The following EYS variants were observed in gnomAD, a reference collection of about 807,000 sequenced individuals.
EYS encodes the protein protein eyes shut homolog.
In EYS, 250 loss-of-function variants were observed where a neutral mutation model predicts 282.1. That is an observed-to-expected ratio of 0.89 (90% confidence interval 0.80 to 0.98). The LOEUF (loss-of-function observed/expected upper bound fraction) is 0.98, where lower values mean the gene tolerates loss of function less well. EYS is among the 50% of genes least tolerant of loss of function. The pLI, the probability that EYS is intolerant of heterozygous loss-of-function variation, is 0.00. For missense variants in EYS, 4,016 were observed against 3,709.0 expected, an observed-to-expected ratio of 1.08 and a Z score of -2.15; for synonymous variants, 1,355 against 1,282.9, an observed-to-expected ratio of 1.06 and a Z score of -1.20.
intron 12 of EYS, among the ~76,000 whole-genome samples, chr6:65,292,839 G>T (rs1368668956): frequency 1.3e-5 from 2 of 151,686 alleles, no homozygotes; most frequent in Non-Finnish European, 3.0e-5. Flanking sequence ...TGTTGCCAAG[G>T]TAACTTAGAC....
At chr6:64,096,144 C>A (rs1395453941) in intron 31 of EYS, among the ~76,000 whole-genome samples, 1 of 152,170 alleles carries the variant, frequency 6.6e-6, no homozygotes, top group Admixed American at 6.5e-5. Flanking sequence ...TGGGCTTCCC[C>A]TTGTGGGTAA....
intron 14 of EYS, among the ~76,000 whole-genome samples, chr6:64,993,449 C>A (rs564210707): frequency 6.6e-6 from 1 of 151,096 alleles, no homozygotes; most frequent in Non-Finnish European, 1.5e-5. Flanking sequence ...AAGCTCGAAA[C>A]CATCATTCTC....
chr6:63,927,470 T>G (rs972801733), intron 35 of EYS, among the ~76,000 whole-genome samples: 1 of 152,214 alleles, frequency 6.6e-6, no homozygotes, highest in Non-Finnish European at 1.5e-5. Flanking sequence ...ATAAAACAAT[T>G]AACATTTCTG....
At chr6:64,018,759 GTTTTTTTTTTTTTTTT>G (rs1163533009) in intron 33 of EYS, among the ~76,000 whole-genome samples, 2 of 53,860 alleles carry the variant, frequency 3.7e-5, no homozygotes, top group Non-Finnish European at 6.8e-5. Context: ...CATCACAAGT[GTTTTTTTTTTTTTTTT>G]TTTTTTTTTT....
chr6:65,601,570 C>T (rs1582505078), intron 2 of EYS, among the ~76,000 whole-genome samples: 1 of 151,804 alleles, frequency 6.6e-6, no homozygotes, highest in African/African-American at 2.4e-5. Context: ...CTAATTCTAT[C>T]CAGAAAACAA....
At chr6:64,139,984 A>G (rs1774288474) in intron 31 of EYS, among the ~76,000 whole-genome samples, 1 of 137,846 alleles carries the variant, frequency 7.3e-6, no homozygotes, top group African/African-American at 3.5e-5. Flanking sequence ...TAAATAAATA[A>G]ATAAATAAAT....
At chr6:65,524,229 C>G (rs1463011921) in intron 2 of EYS, among the ~76,000 whole-genome samples, 1 of 149,244 alleles carries the variant, frequency 6.7e-6, no homozygotes, top group African/African-American at 2.5e-5. Flanking sequence ...CACAGTAACT[C>G]TCTTCTTTGT....
At chr6:65,256,511 T>A (rs1767470922) in intron 12 of EYS, among the ~76,000 whole-genome samples, 1 of 121,922 alleles carries the variant, frequency 8.2e-6, no homozygotes, top group East Asian at 2.3e-4. Flanking sequence ...TGAGTGAGAA[T>A]ATGCGGTGTT....
chr6:65,643,858 A>T (rs1442617353), intron 1 of EYS, among the ~76,000 whole-genome samples: 1 of 152,030 alleles, frequency 6.6e-6, no homozygotes, highest in Non-Finnish European at 1.5e-5. Flanking sequence ...CCCTATCCCT[A>T]GGGGGAGGGG....
intron 31 of EYS, among the ~76,000 whole-genome samples, chr6:64,115,377 A>G (rs1773343756): frequency 1.3e-5 from 2 of 151,796 alleles, no homozygotes; most frequent in Non-Finnish European, 2.9e-5. Context: ...CACACCAAAC[A>G]CCACTGCCAT....
intron 26 of EYS, among the ~76,000 whole-genome samples, chr6:64,504,445 G>C (rs1455114749): frequency 6.6e-6 from 1 of 152,180 alleles, no homozygotes; most frequent in Non-Finnish European, 1.5e-5. Context: ...TTGTTGAAGA[G>C]TCACTGCTCA....
intron 33 of EYS, among the ~76,000 whole-genome samples, chr6:64,056,424 A>T (rs1255237313): frequency 3.9e-5 from 6 of 152,176 alleles, no homozygotes; most frequent in African/African-American, 1.4e-4. Context: ...CCAAGACTTT[A>T]CTTTTTCCTA....
At chr6:65,574,493 G>A (rs1410613642) in intron 2 of EYS, among the ~76,000 whole-genome samples, 1 of 152,190 alleles carries the variant, frequency 6.6e-6, no homozygotes, top group South Asian at 2.1e-4. Context: ...CGTGTATCAG[G>A]TAAAATAAAC....
intron 8 of EYS, among the ~76,000 whole-genome samples, chr6:65,374,815 C>A (rs1765299588): frequency 6.6e-6 from 1 of 152,122 alleles, no homozygotes; most frequent in Non-Finnish European, 1.5e-5. Context: ...GCTGCTATAG[C>A]CAGACTGCCT....
chr6:63,921,814 C>T (rs1392477530), intron 35 of EYS, among the ~76,000 whole-genome samples: 2 of 152,134 alleles, frequency 1.3e-5, no homozygotes, highest in Non-Finnish European at 2.9e-5. Flanking sequence ...TTGAGAGGTC[C>T]ATTCAAACAT....
In EYS at chr6:63,812,790, C is replaced by T. The variant is rs1358915313; in HGVS notation, c.7229-6418G>A. On this transcript the variant is annotated intron_variant, in intron 36 of 42. Transcript: ENST00000503581. The stretch of plus-strand genomic sequence containing the variant: ...TGAAGTTGTGAAGTGGATTTCTACA[C>T]TATCACCAATGCTAATCATTGCTTG... Among the ~76,000 whole-genome samples the T allele has an allele frequency of 2.0e-5, 3 of 152,194 alleles. No individual in the cohort carries two copies. The East Asian group carries it at 5.8e-4, about 29-fold the overall frequency.
At chr6:63,908,028 A>ATACGTTTGTGTGTGTG (rs1320539475) in intron 35 of EYS, among the ~76,000 whole-genome samples, 5 of 101,080 alleles carry the variant, frequency 4.9e-5, no homozygotes, top group Non-Finnish European at 7.5e-5. Flanking sequence ...ATATATATAT[A>ATACGTTTGTGTGTGTG]TATACGTTTG....
chr6:64,506,923 A>G (rs1319517234), intron 26 of EYS, among the ~76,000 whole-genome samples: 1 of 139,234 alleles, frequency 7.2e-6, no homozygotes, highest in Non-Finnish European at 1.5e-5. Context: ...AAAAAAAAAA[A>G]AACTGACTTA....
At chr6:64,232,890 A>G (rs930775637) in intron 30 of EYS, among the ~76,000 whole-genome samples, 3 of 152,238 alleles carry the variant, frequency 2.0e-5, no homozygotes, top group African/African-American at 7.2e-5. Context: ...TCCTTGCGAT[A>G]TAAGTTTGTC....
Sources: allele counts gnomAD v4.1 joint callset (sites outside exome capture counted in the v4.1 genomes callset), GRCh38; gene constraint gnomAD v4.1.1; transcripts MANE v1.5; gene names NCBI Gene and HGNC (gene_info 2026-07-23, HGNC 2026-07-21).